The following KRABD5 variants were observed in gnomAD, a reference collection of about 807,000 sequenced individuals.
KRABD5 encodes the protein KRAB domain-containing protein 5.
At chr16:31,757,576 CT>C in the KRABD5 span, 1 of 152,156 alleles carries the variant, frequency 6.6e-6, no homozygotes, top group East Asian at 1.9e-4. Context: ...TGATTGAATG[CT>C]GTAAGACTAC....
the KRABD5 span, among the ~76,000 whole-genome samples, chr16:31,719,602 A>G: frequency 6.6e-6 from 1 of 152,070 alleles, no homozygotes; most frequent in Non-Finnish European, 1.5e-5. Flanking sequence ...GCCCAAATGC[A>G]CCCTCTTCTG....
At chr16:31,753,346 C>G in the KRABD5 span, among the ~76,000 whole-genome samples, 1 of 152,158 alleles carries the variant, frequency 6.6e-6, no homozygotes, top group Non-Finnish European at 1.5e-5. Context: ...ACTATATCAC[C>G]ATTTTCTTCA....
chr16:31,729,502 A>T, the KRABD5 span, among the ~76,000 whole-genome samples: 1 of 152,228 alleles, frequency 6.6e-6, no homozygotes, highest in Non-Finnish European at 1.5e-5. Flanking sequence ...ACATTAATAC[A>T]TTCATGCAGG....
the KRABD5 span, among the ~76,000 whole-genome samples, chr16:31,748,281 G>A: frequency 6.6e-6 from 1 of 152,144 alleles, no homozygotes; most frequent in Admixed American, 6.5e-5. Flanking sequence ...TGTCAGGTTT[G>A]TCAAAGATCA....
At chr16:31,716,706 G>A in the KRABD5 span, among the ~76,000 whole-genome samples, 1 of 152,096 alleles carries the variant, frequency 6.6e-6, no homozygotes, top group Non-Finnish European at 1.5e-5. Flanking sequence ...TGTGCATGCG[G>A]TGTGTCCAAG....
the KRABD5 span, chr16:31,757,639 A>G: frequency 6.6e-6 from 1 of 152,208 alleles, no homozygotes; most frequent in Admixed American, 6.5e-5. Flanking sequence ...AAGGATATGC[A>G]TTAGCAATTC....
chr16:31,759,703 G>A, the KRABD5 span: 28,887 of 219,336 alleles, frequency 0.13, 2,640 homozygotes, highest in South Asian at 0.3. Context: ...TACAATATTC[G>A]TTTACAATGT....
the KRABD5 span, among the ~76,000 whole-genome samples, chr16:31,716,997 G>GTT: frequency 7.1e-4 from 58 of 81,132 alleles, no homozygotes; most frequent in East Asian, 5.9e-3. Context: ...GTCAGTCTTT[G>GTT]TTTTTTTTTT....
the KRABD5 span, among the ~76,000 whole-genome samples, chr16:31,749,896 CT>C: frequency 6.6e-6 from 1 of 152,174 alleles, no homozygotes; most frequent in Non-Finnish European, 1.5e-5. Context: ...GGCCCCGCCC[CT>C]GTGTGTATTT....
At chr16:31,744,670 A>G in the KRABD5 span, among the ~76,000 whole-genome samples, 2 of 152,002 alleles carry the variant, frequency 1.3e-5, no homozygotes, top group East Asian at 1.9e-4. Flanking sequence ...CTCCTTTTCA[A>G]TTGTTTGGAA....
chr16:31,713,727 A>G, the KRABD5 span, among the ~76,000 whole-genome samples: 3 of 152,142 alleles, frequency 2.0e-5, no homozygotes, highest in African/African-American at 7.2e-5. Context: ...TCTTAGGGGA[A>G]ATCCCGGGTC....
chr16:31,751,314 G>A, the KRABD5 span, among the ~76,000 whole-genome samples: 3 of 152,244 alleles, frequency 2.0e-5, no homozygotes, highest in East Asian at 5.8e-4. Flanking sequence ...AGAATGAAAG[G>A]GGAGGAGTCC....
chr16:31,746,264 T>C, the KRABD5 span, among the ~76,000 whole-genome samples: 2 of 152,180 alleles, frequency 1.3e-5, no homozygotes, highest in Admixed American at 6.5e-5. Context: ...AGTTTTTCCT[T>C]TCCATTTTTA....
At chr16:31,733,792 C>T in the KRABD5 span, among the ~76,000 whole-genome samples, 1 of 152,126 alleles carries the variant, frequency 6.6e-6, no homozygotes, top group Non-Finnish European at 1.5e-5. Flanking sequence ...ATCTGCTCAT[C>T]CATAAAGGAA....
the KRABD5 span, chr16:31,757,257 A>C: frequency 6.6e-6 from 1 of 152,276 alleles, no homozygotes; most frequent in Non-Finnish European, 1.5e-5. Flanking sequence ...ATTTGAGGTC[A>C]GGAGTTTGAG....
the KRABD5 span, chr16:31,761,131 C>T: frequency 6.6e-6 from 1 of 152,144 alleles, no homozygotes; most frequent in Non-Finnish European, 1.5e-5. Flanking sequence ...AGACAAAGCA[C>T]AATGATACTG....
chr16:31,753,814 A>C, the KRABD5 span: 1 of 1,546,256 alleles, frequency 6.5e-7, no homozygotes, highest in Non-Finnish European at 8.7e-7. Context: ...AAGCTTATAG[A>C]AGCATCATTC....
At chr16:31,748,186 T>C in the KRABD5 span, among the ~76,000 whole-genome samples, 2 of 152,198 alleles carry the variant, frequency 1.3e-5, no homozygotes, top group African/African-American at 4.8e-5. Flanking sequence ...AAGGAAGGGA[T>C]CCAGTTTCAG....
the KRABD5 span, chr16:31,759,312 G>T: frequency 6.6e-7 from 1 of 1,525,730 alleles, no homozygotes; most frequent in East Asian, 2.5e-5. Flanking sequence ...TGAGAGAAAA[G>T]TTGGACACAA....
Sources: gnomAD v4.1 joint callset for allele counts (sites outside exome capture counted in the v4.1 genomes callset) on GRCh38, gnomAD v4.1.1 for gene constraint, MANE v1.5 for transcripts, NCBI Gene and HGNC (gene_info 2026-07-23, HGNC 2026-07-21) for gene names.